CENPF: variants seen among roughly 807,000 people sequenced by gnomAD.
CENPF encodes the protein centromere protein F.
Under a neutral mutation model 307.3 loss-of-function variants are expected in CENPF, and 214 were observed. That is an observed-to-expected ratio of 0.70 (90% CI 0.62 to 0.78). The LOEUF (loss-of-function observed/expected upper bound fraction) is 0.78. Among genes scored for constraint, CENPF ranks in the 30% least tolerant of loss-of-function variants. The probability of loss-of-function intolerance (pLI) is 0.00; values close to 1 mark genes in which losing one functional copy is unlikely to be tolerated. For synonymous variants in CENPF, 1,259 were observed against 1,270.6 expected (o/e 0.99, Z 0.19); for missense variants, 3,401 against 3,483.9 (o/e 0.98, Z 0.60).
intron 6 of CENPF, 79 bp downstream of exon 6, chr1:214,621,025 A>C (rs1414657120): frequency 2.9e-6 from 4 of 1,380,014 alleles, no homozygotes; most frequent in Non-Finnish European, 4.0e-6. Context: ...TTTTAATCCC[A>C]TAAAGTGCTT....
intron 15 of CENPF, among the ~76,000 whole-genome samples, chr1:214,652,245 C>T (rs529004936): frequency 1.1e-4 from 16 of 151,138 alleles, no homozygotes; most frequent in East Asian, 9.9e-4. Flanking sequence ...CTGTGTTAGC[C>T]AGGATGGTCT....
intron 1 of CENPF, chr1:214,606,185 C>T: frequency 1.7e-6 from 2 of 1,151,694 alleles, no homozygotes; most frequent in South Asian, 3.1e-5. Context: ...CCAGTCTCCC[C>T]ACTCAGCCAA....
chr1:214,657,206 G>C lies in CENPF; in HGVS notation c.8759G>C (p.Arg2920Thr). The change falls in exon 18 of 20, where the codon AGG (arginine) becomes ACG (threonine). Residue 2920 changes from arginine to threonine, a missense_variant. By Grantham distance (71) the Arg-to-Thr change is moderately conservative. Transcript: ENST00000366955. ...PSPIPSVTEKRLSSGQNKASG... is the reference protein window; with the variant it reads ...PSPIPSVTEKTLSSGQNKASG... ...CCAATCCCTTCTGTTACTGAAAAGA[G>C]GTTATCATCTGGCCAAAATAAAGCT... is the stretch of plus-strand genomic sequence containing the variant. 1 of 1,614,130 alleles carries C rather than the reference G, an allele frequency of 6.2e-7. No homozygotes were observed. The highest frequency in any genetic ancestry group is 8.5e-7 in the Non-Finnish European group (1 of 1,180,014).
intron 8 of CENPF, among the ~76,000 whole-genome samples, chr1:214,629,615 A>C (rs994984978): frequency 2.6e-5 from 4 of 151,784 alleles, no homozygotes; most frequent in East Asian, 1.9e-4. Flanking sequence ...GCAATGGCAC[A>C]ATCTTGGCTC....
At chr1:214,633,193 G>C (rs1283006353) in intron 10 of CENPF, among the ~76,000 whole-genome samples, 1 of 152,208 alleles carries the variant, frequency 6.6e-6, no homozygotes, top group African/African-American at 2.4e-5. Context: ...TGCATGCCCT[G>C]GTTGACGGTG....
rs3748696 is a variant in CENPF, at chr1:214,646,637, C to T, written c.7067C>T (p.Ala2356Val). 0.063 allele frequency: 102,301 copies of T among 1,613,842 alleles called. 4,220 individuals are homozygous for T. Among genetic ancestry groups the T allele is most frequent in the South Asian group, 0.15 (13,439 of 91,064 alleles). ...EIARTNQEHA[A>V]LEAENSKGEV... ...GCCAGGACAAACCAAGAGCATGCAG[C>T]TCTTGAGGCAGAGAATTCCAAAGGA... The change falls in exon 13 of 20, where the codon GCT becomes GTT. Residue 2356 changes from alanine (A) to valine (V), a missense_variant. Ala to Val is a moderately conservative substitution (Grantham distance 64). Transcript: ENST00000366955.
chr1:214,645,150 A>G lies in CENPF; in HGVS notation c.5580A>G (p.Val1860=), dbSNP rs1571718884. The part of the protein sequence containing the change: ...SCDHQELLQR[V]ETSEGLNSDL... ...ATCACCAGGAGTTACTCCAGAGAGT[A>G]GAAACTTCTGAAGGCCTCAATTCTG... The change falls in exon 13 of 20, where the codon GTA becomes GTG. Residue 1860 remains valine (V), a synonymous_variant. Transcript: ENST00000366955. 1 of 1,614,018 alleles carries G rather than the reference A, an allele frequency of 6.2e-7. No individual in the cohort carries two copies. Among genetic ancestry groups the G allele is most frequent in the East Asian group, 2.2e-5 (1 of 44,838 alleles).
rs138247858 is a variant in CENPF, at chr1:214,629,047, A to T, written c.1070A>T (p.Tyr357Phe). Residue 357 changes from tyrosine to phenylalanine, a missense_variant and splice_region_variant, in exon 8 of 20, where the codon TAT (tyrosine) becomes TTT (phenylalanine). Coordinates refer to ENST00000366955, the MANE Select transcript of CENPF (RefSeq NM_016343.4). Reference protein sequence around the residue: ...TAQYDQASTKYTALEQKLKKL... With the variant: ...TAQYDQASTKFTALEQKLKKL... Reference sequence around the variant, plus strand: ...TTGAACATTTTTATTCATTATTAGTATACTGCATTGGAACAAAAACTGAAA... The same window carrying T: ...TTGAACATTTTTATTCATTATTAGTTTACTGCATTGGAACAAAAACTGAAA... The T allele has an allele frequency of 1.3e-6, 2 of 1,599,504 alleles. No homozygotes were observed. Among genetic ancestry groups the T allele is most frequent in the East Asian group, 2.2e-5 (1 of 44,566 alleles).
intron 4 of CENPF, 112 bp from the exon 5 acceptor site, chr1:214,619,017 G>A: frequency 6.5e-6 from 4 of 612,424 alleles, no homozygotes; most frequent in Non-Finnish European, 8.6e-6. Context: ...TAACCAAAAT[G>A]TTGTTTCTAC....
At chr1:214,637,263 C>T (rs1657988828) in intron 10 of CENPF, among the ~76,000 whole-genome samples, 1 of 152,184 alleles carries the variant, frequency 6.6e-6, no homozygotes, top group Non-Finnish European at 1.5e-5. Flanking sequence ...ATCACATCTT[C>T]CCCCACTGGA....
intron 7 of CENPF, among the ~76,000 whole-genome samples, chr1:214,625,711 A>G (rs1322508785): frequency 1.3e-5 from 2 of 150,686 alleles, no homozygotes; most frequent in Non-Finnish European, 3.0e-5. Context: ...TGATTTGTCT[A>G]TATATTTTTC....
At chr1:214,624,151 T>A (rs1657589082) in intron 7 of CENPF, among the ~76,000 whole-genome samples, 1 of 152,032 alleles carries the variant, frequency 6.6e-6, no homozygotes, top group South Asian at 2.1e-4. Context: ...GTGTATAATT[T>A]AAAAAATATA....
intron 1 of CENPF, among the ~76,000 whole-genome samples, chr1:214,611,262 G>T (rs372722840): frequency 6.6e-6 from 1 of 152,182 alleles, no homozygotes; most frequent in Admixed American, 6.5e-5. Context: ...TATGCAAATT[G>T]CTTTGGGCAG....
chr1:214,610,395 A>AATTAACACCAGTGTGAGAATTAACAC (rs1657165977), intron 1 of CENPF, among the ~76,000 whole-genome samples: 1 of 151,326 alleles, frequency 6.6e-6, no homozygotes. Context: ...CTGGTGTGAG[A>AATTAACACCAGTGTGAGAATTAACAC]TGGTATTTCA....
chr1:214,651,907 A>G (rs1466145512), intron 15 of CENPF, 21 bp downstream of exon 15: 1 of 1,578,138 alleles, frequency 6.3e-7, no homozygotes, highest in Non-Finnish European at 8.6e-7. Flanking sequence ...GGGTTTGGTT[A>G]CTGGGGGAGC....
At chr1:214,634,939 G>A (rs893974519) in intron 10 of CENPF, among the ~76,000 whole-genome samples, 5 of 152,214 alleles carry the variant, frequency 3.3e-5, no homozygotes, top group African/African-American at 4.8e-5. Flanking sequence ...GAAATTATCA[G>A]TACTGGAAAT....
chr1:214,656,269 G>C (rs748088360), intron 17 of CENPF, among the ~76,000 whole-genome samples: 1 of 152,162 alleles, frequency 6.6e-6, no homozygotes, highest in Non-Finnish European at 1.5e-5. Context: ...AATCTGACTG[G>C]CTTCTCTGGT....
At chr1:214,663,121 ACAGT>A (rs1658828547) in intron 19 of CENPF, among the ~76,000 whole-genome samples, 1 of 152,256 alleles carries the variant, frequency 6.6e-6, no homozygotes, top group Non-Finnish European at 1.5e-5. Flanking sequence ...CAATATGGAA[ACAGT>A]CAGCCATAAA....
chr1:214,614,443 A>T (rs1471419376), intron 2 of CENPF, among the ~76,000 whole-genome samples: 2 of 152,250 alleles, frequency 1.3e-5, no homozygotes, highest in African/African-American at 4.8e-5. Flanking sequence ...CCAACTAAAT[A>T]GTGATACAGT....
Sources: allele counts gnomAD v4.1 joint callset (sites outside exome capture counted in the v4.1 genomes callset), GRCh38; gene constraint gnomAD v4.1.1; transcripts MANE v1.5; gene names NCBI Gene and HGNC (gene_info 2026-07-23, HGNC 2026-07-21).